The following COP1 variants were observed in gnomAD, a reference collection of about 807,000 sequenced individuals.
COP1 encodes COP1 E3 ubiquitin ligase.
In COP1, 24 loss-of-function variants were observed where a neutral mutation model predicts 101.3. That is an observed-to-expected ratio of 0.24 (90% CI 0.17 to 0.33). COP1 has a LOEUF of 0.33. COP1 is among the 10% of genes least tolerant of loss of function. COP1 has a pLI of 1.00. For missense variants in COP1, 663 were observed against 906.2 expected, an observed-to-expected ratio of 0.73 and a Z score of 3.45; for synonymous variants, 347 against 341.9, an observed-to-expected ratio of 1.01 and a Z score of -0.17.
intron 14 of COP1, among the ~76,000 whole-genome samples, chr1:176,035,850 C>G (rs1669443943): frequency 1.3e-5 from 2 of 151,594 alleles, no homozygotes; most frequent in African/African-American, 4.8e-5. Flanking sequence ...AAATATTTAT[C>G]AAGGTAGTTC....
chr1:175,980,854 G>A (rs1475120850), intron 18 of COP1, among the ~76,000 whole-genome samples: 1 of 152,040 alleles, frequency 6.6e-6, no homozygotes, highest in Admixed American at 6.5e-5. Flanking sequence ...CAATAATAGG[G>A]TATCTGCAGC....
At chr1:176,013,270 C>T (rs560167404) in intron 15 of COP1, among the ~76,000 whole-genome samples, 32 of 151,972 alleles carry the variant, frequency 2.1e-4, no homozygotes, top group Admixed American at 1.2e-3. Flanking sequence ...TAACTCATCC[C>T]AAAAATATAT....
chr1:176,019,569 T>G (rs1200623439), intron 15 of COP1, among the ~76,000 whole-genome samples: 1 of 148,792 alleles, frequency 6.7e-6, no homozygotes, highest in African/African-American at 2.5e-5. Flanking sequence ...AATCAAAACA[T>G]CACTAACAGG....
At chr1:176,141,964 C>G (rs549947449) in intron 6 of COP1, among the ~76,000 whole-genome samples, 1 of 152,000 alleles carries the variant, frequency 6.6e-6, no homozygotes, top group African/African-American at 2.4e-5. Context: ...GAACTCCTGG[C>G]CCTCAAATGA....
chr1:176,125,000 G>C (rs1447180707), intron 8 of COP1, among the ~76,000 whole-genome samples: 1 of 152,076 alleles, frequency 6.6e-6, no homozygotes, highest in African/African-American at 2.4e-5. Context: ...GTTGTGATTT[G>C]CATTTCTGAT....
intron 18 of COP1, among the ~76,000 whole-genome samples, chr1:175,969,635 T>G (rs989295766): frequency 6.6e-6 from 1 of 152,228 alleles, no homozygotes; most frequent in African/African-American, 2.4e-5. Flanking sequence ...ACCCATTCTT[T>G]GGGTCTTCAT....
chr1:176,203,893 G>A (rs996050987), intron 1 of COP1, among the ~76,000 whole-genome samples: 2 of 152,192 alleles, frequency 1.3e-5, no homozygotes, highest in African/African-American at 4.8e-5. Context: ...GAGAAGGACA[G>A]GTCCCTATCA....
In COP1 at chr1:176,089,572, A is replaced by C. The variant is rs183444659; in HGVS notation, c.1027-3682T>G. On this transcript the variant is annotated intron_variant, in intron 9 of 19. Transcript: ENST00000367669. Reference sequence around the variant, plus strand: ...CAAATGCATAAAGTAAAAAGTACTAAGGTACTGTAATGTATACTACAGTGT... The same window carrying C: ...CAAATGCATAAAGTAAAAAGTACTACGGTACTGTAATGTATACTACAGTGT... Among the ~76,000 whole-genome samples the C allele has an allele frequency of 1.7e-3, 257 of 152,342 alleles. 1 individual carries two copies. Among genetic ancestry groups the C allele is most frequent in the African/African-American group, 5.9e-3 (246 of 41,582 alleles).
intron 9 of COP1, among the ~76,000 whole-genome samples, chr1:176,103,091 A>C (rs1181008033): frequency 3.3e-5 from 5 of 152,218 alleles, no homozygotes; most frequent in African/African-American, 1.2e-4. Context: ...TGTCTTGATA[A>C]ATCAGCTCTG....
At chr1:176,009,637 T>A (rs1420132621) in intron 15 of COP1, among the ~76,000 whole-genome samples, 1 of 152,096 alleles carries the variant, frequency 6.6e-6, no homozygotes, top group African/African-American at 2.4e-5. Context: ...ACCAGTTTGG[T>A]ATGTTGAGTG....
At chr1:175,946,075 A>G (rs1649130122) in intron 19 of COP1, among the ~76,000 whole-genome samples, 1 of 152,214 alleles carries the variant, frequency 6.6e-6, no homozygotes, top group Non-Finnish European at 1.5e-5. Context: ...TAGCTTTTCA[A>G]TTCATGACTT....
At chr1:176,065,276 AG>A (rs778714681) in intron 11 of COP1, among the ~76,000 whole-genome samples, 1 of 152,202 alleles carries the variant, frequency 6.6e-6, no homozygotes, top group Non-Finnish European at 1.5e-5. Flanking sequence ...ACTCAGACAA[AG>A]GGGAAAAAAA....
chr1:176,025,931 C>A (rs542175110), intron 15 of COP1, among the ~76,000 whole-genome samples: 1 of 151,872 alleles, frequency 6.6e-6, no homozygotes, highest in South Asian at 2.1e-4. Context: ...AAAAAAGACA[C>A]CTAATGTAAC....
chr1:176,006,087 C>G (rs1169853817), intron 15 of COP1, among the ~76,000 whole-genome samples: 2 of 152,120 alleles, frequency 1.3e-5, no homozygotes, highest in Admixed American at 1.3e-4. Context: ...GAATTGATCC[C>G]TTTACCATTA....
At chr1:175,994,828 C>G (rs977480367) in intron 15 of COP1, among the ~76,000 whole-genome samples, 1 of 152,164 alleles carries the variant, frequency 6.6e-6, no homozygotes, top group African/African-American at 2.4e-5. Context: ...CAACATTAGA[C>G]AGATCAATGA....
chr1:176,061,600 T>G (rs149406975), intron 11 of COP1, among the ~76,000 whole-genome samples: 421 of 151,992 alleles, frequency 2.8e-3, no homozygotes, highest in Non-Finnish European at 5.0e-3. Context: ...AACTCCAGCC[T>G]GGGCAGCAAG....
chr1:176,125,725 T>C (rs1013938546), intron 8 of COP1, among the ~76,000 whole-genome samples: 4 of 152,184 alleles, frequency 2.6e-5, no homozygotes, highest in East Asian at 1.9e-4. Flanking sequence ...CGTGATTCCA[T>C]ATAAATTTTA....
chr1:176,106,838 C>G (rs1004673639), intron 9 of COP1, among the ~76,000 whole-genome samples: 1 of 152,148 alleles, frequency 6.6e-6, no homozygotes, highest in South Asian at 2.1e-4. Context: ...GTCTAGGCAG[C>G]AGGCAAGGTG....
chr1:176,106,580 C>G (rs967960844), intron 9 of COP1, among the ~76,000 whole-genome samples: 2 of 152,214 alleles, frequency 1.3e-5, no homozygotes, highest in Admixed American at 6.5e-5. Context: ...GATTGATTAA[C>G]TGGCCCATCT....
Sources: gnomAD v4.1 joint callset for allele counts (sites outside exome capture counted in the v4.1 genomes callset) on GRCh38, gnomAD v4.1.1 for gene constraint, MANE v1.5 for transcripts, NCBI Gene and HGNC (gene_info 2026-07-23, HGNC 2026-07-21) for gene names.